Variants in CCN4 observed in about 807,000 individuals in gnomAD.
The protein encoded by CCN4 is CCN family member 4.
A neutral mutation model predicts 36.7 loss-of-function variants in CCN4; 30 were observed. The ratio of observed to expected loss-of-function variants is 0.82; its 90% CI spans 0.61 to 1.11. The LOEUF (loss-of-function observed/expected upper bound fraction) is 1.11. Ranked by LOEUF, CCN4 falls within the 50% of genes least tolerant of loss-of-function variation. The pLI is 0.00. For synonymous variants in CCN4, 191 were observed against 195.4 expected (o/e 0.98, Z 0.19); for missense variants, 505 against 504.9 (o/e 1.00, Z 0.00).
chr8:133,227,378 A>C (rs779536662), intron 4 of CCN4, 33 bp from the exon 5 acceptor site: 15 of 1,576,230 alleles, frequency 9.5e-6, no homozygotes, highest in Non-Finnish European at 1.3e-5. Flanking sequence ...TTCTCTGAGC[A>C]CTCCCACTGA....
intron 3 of CCN4, among the ~76,000 whole-genome samples, chr8:133,222,902 TG>T (rs1385146212): frequency 6.6e-6 from 1 of 151,952 alleles, no homozygotes; most frequent in East Asian, 1.9e-4. Flanking sequence ...AGGAATTCTT[TG>T]TGGTGGGGTT....
intron 2 of CCN4, among the ~76,000 whole-genome samples, chr8:133,215,992 C>T (rs1289552676): frequency 1.3e-5 from 2 of 152,036 alleles, no homozygotes; most frequent in South Asian, 2.1e-4. Flanking sequence ...ACTACACACA[C>T]ACACACACAC....
At chr8:133,210,482 A>T (rs1853975138) in intron 1 of CCN4, among the ~76,000 whole-genome samples, 1 of 151,970 alleles carries the variant, frequency 6.6e-6, no homozygotes, top group African/African-American at 2.4e-5. Flanking sequence ...GGAAATATGA[A>T]CAAGGGCAGG....
chr8:133,203,977 C>T (rs918458007), intron 1 of CCN4, among the ~76,000 whole-genome samples: 23 of 152,222 alleles, frequency 1.5e-4, no homozygotes, highest in Non-Finnish European at 2.1e-4. Context: ...TTACCACTCA[C>T]CTTTAAATAT....
chr8:133,200,727 G>A (rs1478578292), intron 1 of CCN4, among the ~76,000 whole-genome samples: 2 of 152,152 alleles, frequency 1.3e-5, no homozygotes, highest in Non-Finnish European at 2.9e-5. Context: ...TCATGGGATT[G>A]TTTTGATGAT....
At chr8:133,217,202 A>T (rs901875111) in intron 2 of CCN4, among the ~76,000 whole-genome samples, 1 of 152,228 alleles carries the variant, frequency 6.6e-6, no homozygotes, top group Non-Finnish European at 1.5e-5. Context: ...AGTACAGCTC[A>T]CCCCAGTTCC....
intron 2 of CCN4, among the ~76,000 whole-genome samples, chr8:133,216,436 C>T (rs1253849410): frequency 1.3e-5 from 2 of 152,176 alleles, no homozygotes; most frequent in African/African-American, 2.4e-5. Flanking sequence ...CTACTGGGCC[C>T]AGCCACTCTG....
At chr8:133,201,735 C>G (rs570337639) in intron 1 of CCN4, among the ~76,000 whole-genome samples, 11 of 152,032 alleles carry the variant, frequency 7.2e-5, no homozygotes, top group African/African-American at 2.7e-4. Context: ...CCCAGCTACT[C>G]GGGAGGCTGA....
At chr8:133,223,876 C>T (rs558534760) in intron 3 of CCN4, among the ~76,000 whole-genome samples, 5 of 152,146 alleles carry the variant, frequency 3.3e-5, no homozygotes, top group African/African-American at 4.8e-5. Context: ...CACCATTTTC[C>T]GTTTTTCAGA....
chr8:133,207,744 T>C (rs1174411280), intron 1 of CCN4, among the ~76,000 whole-genome samples: 2 of 152,198 alleles, frequency 1.3e-5, no homozygotes, highest in African/African-American at 2.4e-5. Context: ...ATGTTGATTA[T>C]AAGGGCCTGT....
chr8:133,194,339 TGTGTGGGGGGGTGGTG>T (rs1329200959), intron 1 of CCN4, among the ~76,000 whole-genome samples: 1 of 80,386 alleles, frequency 1.2e-5, no homozygotes. Flanking sequence ...CTGTGTGGTG[TGTGTGGGGGGGTGGTG>T]GTGTGTGGGG....
rs1039718721 is a variant in CCN4, at chr8:133,231,610, G to A, written c.*3900G>A. ...TCAGCAAAGTCACATACTGGAGTTG[G>A]TGGCTTTTCTTGTACAGGCAGTTGT... On this transcript the variant is annotated 3_prime_UTR_variant, in exon 5 of 5. Transcript: ENST00000250160. 5 of 152,190 alleles carry A rather than the reference G, an allele frequency of 3.3e-5. No individual in the cohort carries two copies. Among genetic ancestry groups the A allele is most frequent in the Non-Finnish European group, 7.3e-5 (5 of 68,032 alleles). The allele number at this position is 152,190 out of a possible 1,614,324, so 9.4% of individuals were successfully genotyped here.
At chr8:133,217,037 C>A (rs1012902304) in intron 2 of CCN4, among the ~76,000 whole-genome samples, 2 of 152,166 alleles carry the variant, frequency 1.3e-5, no homozygotes. Flanking sequence ...CAGCTGGAAT[C>A]CCAGCATCAT....
intron 1 of CCN4, among the ~76,000 whole-genome samples, chr8:133,195,066 T>G (rs1853324121): frequency 7.0e-6 from 1 of 141,922 alleles, no homozygotes; most frequent in African/African-American, 2.7e-5. Flanking sequence ...TGGTGTGTAT[T>G]ATGTATGTAG....
At position 133,212,871 on chromosome 8, in the gene CCN4, C is replaced by G; in HGVS notation, c.77C>G (p.Ser26Cys). 1.3e-6 allele frequency: 2 copies of G among 1,589,946 alleles called. No individual in the cohort carries two copies. The highest frequency in any genetic ancestry group is 1.7e-6 in the Non-Finnish European group (2 of 1,162,784). The part of the protein sequence containing the change: ...AASTVLATAL[S>C]PAPTTMDFTP... ...TCTGCCCTCCCCCCGCAGGCCCTCT[C>G]TCCAGCCCCTACGACCATGGACTTT... Residue 26 changes from serine to cysteine, a missense_variant, in exon 2 of 5, where the codon TCT (serine) becomes TGT (cysteine). Physicochemically the swap from Ser to Cys is moderately radical, Grantham distance 112. Transcript: ENST00000250160.
At chr8:133,217,950 A>G (rs72731536) in intron 2 of CCN4, among the ~76,000 whole-genome samples, 2 of 76,606 alleles carry the variant, frequency 2.6e-5, no homozygotes, top group Non-Finnish European at 4.3e-5. Flanking sequence ...ACACACACAC[A>G]CACACACACA....
chr8:133,207,975 C>A (rs1178691445), intron 1 of CCN4, among the ~76,000 whole-genome samples: 1 of 148,282 alleles, frequency 6.7e-6, no homozygotes, highest in Non-Finnish European at 1.5e-5. Context: ...ACTGATGGTG[C>A]ACTCACTACC....
At chr8:133,214,052 T>TTA (rs1854206294) in intron 2 of CCN4, among the ~76,000 whole-genome samples, 1 of 22 alleles carries the variant, frequency 0.045, no homozygotes, top group African/African-American at 0.062. Flanking sequence ...TATATAGTAG[T>TTA]TATACATACT....
rs566093965 is a variant in CCN4 at position 133,199,166 on chromosome 8, C to T, written c.69+7953C>T. Among the ~76,000 whole-genome samples the T allele has an allele frequency of 3.9e-5, 6 of 152,332 alleles. No homozygotes were observed. In the South Asian group the frequency reaches 6.2e-4, roughly 16 times the overall value. The stretch of plus-strand genomic sequence containing the variant: ...GGACTGAGTGGCAAGCGGCAGCTTA[C>T]GGGCTTGGTTCTGGAGCAAGGACAG... On this transcript the variant is annotated intron_variant, in intron 1 of 4. Coordinates refer to ENST00000250160, the MANE Select transcript of CCN4 (RefSeq NM_003882.4).
Sources: allele counts gnomAD v4.1 joint callset (sites outside exome capture counted in the v4.1 genomes callset), GRCh38; gene constraint gnomAD v4.1.1; transcripts MANE v1.5; gene names NCBI Gene and HGNC (gene_info 2026-07-23, HGNC 2026-07-21).